WWP2: variants seen among roughly 807,000 people sequenced by gnomAD.
WWP2 encodes NEDD4-like E3 ubiquitin-protein ligase WWP2.
Under a neutral mutation model 121.0 loss-of-function variants are expected in WWP2, and 57 were observed. That is an observed-to-expected ratio of 0.47 (90% CI 0.38 to 0.59). The LOEUF is 0.59. WWP2 is among the 20% of genes least tolerant of loss of function. The pLI, the probability that WWP2 is intolerant of heterozygous loss-of-function variation, is 0.00. For missense variants in WWP2, 962 were observed against 1,158.9 expected (o/e 0.83, Z 2.47); for synonymous variants, 449 against 441.3 (o/e 1.02, Z -0.22).
chr16:69,917,948 G>C, intron 10 of WWP2, 65 bp downstream of exon 10: 1 of 1,197,458 alleles, frequency 8.4e-7, no homozygotes, highest in South Asian at 1.5e-5. Flanking sequence ...GTGCAGCCAC[G>C]TGTTCTCTGT....
intron 4 of WWP2, among the ~76,000 whole-genome samples, chr16:69,839,445 C>T (rs1002388687): frequency 6.6e-6 from 1 of 152,172 alleles, no homozygotes; most frequent in Middle Eastern, 3.2e-3. Context: ...CTTCTGCCTC[C>T]AGTCAGCTTG....
chr16:69,805,061 A>G (rs1043706255), intron 4 of WWP2, among the ~76,000 whole-genome samples: 16 of 147,430 alleles, frequency 1.1e-4, no homozygotes, highest in Non-Finnish European at 1.9e-4. Flanking sequence ...TTTTTTTGAG[A>G]TGGAGTCTCA....
Position 69,888,194 on chromosome 16 carries a change from T to C in WWP2, c.859T>C (p.Ser287Pro), listed in dbSNP as rs764294633. The change falls in exon 8 of 24, where the codon TCG becomes CCG. Residue 287 changes from serine to proline, a missense_variant. Ser to Pro is a moderately conservative substitution (Grantham distance 74). This residue lies in a region of WWP2 where 211 missense variants were observed against 196.5 expected (regional missense o/e 1.07). Transcript: ENST00000359154. ...TPAEGEEPSTSGTQQLPAAAQ... is the reference protein window; with the variant it reads ...TPAEGEEPSTPGTQQLPAAAQ... ...GGCTGAAGGAGAGGAACCCAGCACT[T>C]CGGGTACACAGCAGCTCCCAGCGGC... The C allele has an allele frequency of 3.1e-6, 5 of 1,614,090 alleles. No homozygotes were observed. The highest frequency in any genetic ancestry group is 4.2e-6 in the Non-Finnish European group (5 of 1,180,004).
At chr16:69,934,250 G>C in intron 17 of WWP2, 121 bp downstream of exon 17, 1 of 1,324,712 alleles carries the variant, frequency 7.5e-7, no homozygotes, top group East Asian at 2.4e-5. Flanking sequence ...CCAGGAAGGG[G>C]CAGCATTGGA....
In WWP2 at chr16:69,937,016, C is replaced by A; in HGVS notation, c.2118-102C>A. 1 of 1,472,002 alleles carries A rather than the reference C, an allele frequency of 6.8e-7. No homozygotes were observed. Among genetic ancestry groups the A allele is most frequent in the East Asian group, 2.4e-5 (1 of 41,004 alleles). The allele number at this position is 1,472,002 out of a possible 1,614,324, so 91.2% of individuals were successfully genotyped here. A position where few individuals can be genotyped will look rare whatever the true frequency, so the allele number is the denominator to read the frequency against. ...GTCTGGGTGTGCGAAGTGGGCTCTG[C>A]TGATCTGGTGGTCCTGCGCGGTAAC... On this transcript the variant is annotated intron_variant, in intron 19 of 23. Coordinates refer to ENST00000359154, the MANE Select transcript of WWP2 (RefSeq NM_001270454.2). This position sits in a 1 kb window ranked among gnomAD's most constrained non-coding sequence, Gnocchi z 6.6.
intron 9 of WWP2, among the ~76,000 whole-genome samples, chr16:69,914,111 A>G (rs2058443537): frequency 6.6e-6 from 1 of 150,626 alleles, no homozygotes; most frequent in South Asian, 2.1e-4. Context: ...GAAAGTGATA[A>G]ATTTGGAGAT....
intron 6 of WWP2, among the ~76,000 whole-genome samples, chr16:69,844,230 G>A (rs1025522151): frequency 9.2e-5 from 14 of 152,190 alleles, no homozygotes; most frequent in Admixed American, 2.6e-4. Flanking sequence ...GGTGATGAAT[G>A]ACAGTGTAAC....
chr16:69,940,181 T>G lies in WWP2; in HGVS notation c.*241T>G. 2.2e-5 allele frequency: 12 copies of G among 533,906 alleles called. No homozygotes were observed. The highest frequency in any genetic ancestry group is 1.7e-5 in the Non-Finnish European group (5 of 298,486). 33.1% of individuals were successfully genotyped at this position (533,906 alleles called of 1,614,324 possible). On this transcript the variant is annotated 3_prime_UTR_variant, in exon 24 of 24. Transcript: ENST00000359154. ...TGCCTTTGGCCCCACCTTTGCAAAG[T>G]TCCAGAGGGCTGACCCTCTCTGCAA...
intron 18 of WWP2, 118 bp from the exon 19 acceptor site, chr16:69,936,194 C>T: frequency 2.0e-6 from 3 of 1,503,180 alleles, no homozygotes; most frequent in Non-Finnish European, 2.7e-6. Flanking sequence ...TGTCCCCTGT[C>T]ACTGTTCAGG....
At chr16:69,924,251 G>C (rs1360074567) in intron 10 of WWP2, among the ~76,000 whole-genome samples, 2 of 152,142 alleles carry the variant, frequency 1.3e-5, no homozygotes, top group Admixed American at 6.5e-5. Flanking sequence ...AAGGGGGCTT[G>C]CTGGCAGTTG....
chr16:69,820,860 C>T (rs576416702), intron 4 of WWP2, among the ~76,000 whole-genome samples: 5 of 146,152 alleles, frequency 3.4e-5, no homozygotes, highest in African/African-American at 1.2e-4. Context: ...ACACACACGA[C>T]GTTGAAAGAG....
At chr16:69,874,539 C>A (rs962018954) in intron 7 of WWP2, among the ~76,000 whole-genome samples, 13 of 152,246 alleles carry the variant, frequency 8.5e-5, no homozygotes, top group African/African-American at 1.4e-4. Flanking sequence ...TATGTTGTCA[C>A]AACCATAAAG....
chr16:69,876,049 C>G (rs972260630), intron 7 of WWP2, among the ~76,000 whole-genome samples: 1 of 152,136 alleles, frequency 6.6e-6, no homozygotes, highest in Admixed American at 6.6e-5. Context: ...CCTCCGCCTC[C>G]TGGGTTAAAG....
At chr16:69,916,976 C>T (rs944135399) in intron 9 of WWP2, among the ~76,000 whole-genome samples, 2 of 152,120 alleles carry the variant, frequency 1.3e-5, no homozygotes, top group African/African-American at 4.8e-5. Context: ...CCAGTCTGGG[C>T]AACATGGCGA....
Position 69,786,442 on chromosome 16 carries a change from C to CTTTT in WWP2, c.-15-531_-15-528dup, listed in dbSNP as rs957224996. On this transcript the variant is annotated intron_variant, in intron 1 of 23. Transcript: ENST00000359154. ...GCATGAGCCACTGCGCCCAGCCAAT[C>CTTTT]TTTTTTTTTTTTTTTTTTTTTTTTT... is the stretch of plus-strand genomic sequence containing the variant. 1.6e-4 allele frequency among the ~76,000 whole-genome samples: 14 copies of CTTTT among 85,404 alleles called. 1 individual carries two copies. Among genetic ancestry groups the CTTTT allele is most frequent in the African/African-American group, 7.3e-4 (12 of 16,536 alleles). The allele number at this position is 85,404 out of a possible 152,430, so 56.0% of individuals were successfully genotyped here.
intron 1 of WWP2, among the ~76,000 whole-genome samples, chr16:69,780,004 C>T (rs1199024805): frequency 6.6e-6 from 1 of 152,094 alleles, no homozygotes; most frequent in Non-Finnish European, 1.5e-5. Context: ...ATATTTGCCC[C>T]AGAACTTTTT....
intron 10 of WWP2, among the ~76,000 whole-genome samples, chr16:69,924,286 C>T (rs905436595): frequency 1.3e-5 from 2 of 152,132 alleles, no homozygotes; most frequent in East Asian, 1.9e-4. Context: ...TTTCTCAAGC[C>T]GACACTGAGC....
chr16:69,787,585 T>C (rs1203953960), intron 2 of WWP2, among the ~76,000 whole-genome samples: 2 of 151,988 alleles, frequency 1.3e-5, no homozygotes, highest in African/African-American at 4.8e-5. Flanking sequence ...TGAGACCCTG[T>C]CCCAAAAACA....
chr16:69,907,769 T>C (rs2058316353), intron 8 of WWP2, among the ~76,000 whole-genome samples: 1 of 152,244 alleles, frequency 6.6e-6, no homozygotes, highest in South Asian at 2.1e-4. Context: ...ACCTTGATCT[T>C]ATATTAGCTT....
Sources: gnomAD v4.1 joint callset for allele counts (sites outside exome capture counted in the v4.1 genomes callset) on GRCh38, gnomAD v4.1.1 for gene constraint, gnomAD v4.1.1 regional missense constraint, Gnocchi (gnomAD v3.1) non-coding constraint, MANE v1.5 for transcripts, NCBI Gene and HGNC (gene_info 2026-07-23, HGNC 2026-07-21) for gene names.